The following PPP3CA variants were observed in gnomAD, a reference collection of about 807,000 sequenced individuals.
The protein encoded by PPP3CA is CAM-PRP catalytic subunit.
A neutral mutation model predicts 66.5 loss-of-function variants in PPP3CA; 14 were observed. The observed-to-expected ratio is 0.21, with a 90% confidence interval of 0.14 to 0.33. The LOEUF (loss-of-function observed/expected upper bound fraction) is 0.33. PPP3CA is among the 10% of genes least tolerant of loss of function. The pLI is 1.00. For missense variants in PPP3CA, 317 were observed against 639.5 expected (o/e 0.50, Z 5.44); for synonymous variants, 232 against 226.2 (o/e 1.03, Z -0.23).
chr4:101,104,198 C>T (rs567807602), intron 3 of PPP3CA, among the ~76,000 whole-genome samples: 1 of 151,980 alleles, frequency 6.6e-6, no homozygotes. Context: ...AGAGGATAGC[C>T]AAAGGAGAAT....
intron 10 of PPP3CA, 132 bp downstream of exon 10, chr4:101,060,955 A>C (rs1344632408): frequency 1.3e-6 from 1 of 762,884 alleles, no homozygotes. Flanking sequence ...AAATGAAATC[A>C]TATCTTTTAT....
chr4:101,108,165 G>A (rs147282435), intron 3 of PPP3CA: 134 of 152,266 alleles, frequency 8.8e-4, no homozygotes, highest in African/African-American at 3.2e-3. Context: ...AATTACCCTA[G>A]TTAGATGACA....
chr4:101,170,081 T>A (rs1406514647), intron 2 of PPP3CA, among the ~76,000 whole-genome samples: 3 of 152,150 alleles, frequency 2.0e-5, no homozygotes, highest in African/African-American at 4.8e-5. Flanking sequence ...ATCTTAAACG[T>A]GGTCCAATTA....
chr4:101,157,545 G>T lies in PPP3CA; in HGVS notation c.259+38371C>A, dbSNP rs956834203. Among the ~76,000 whole-genome samples, 3 of 152,282 alleles carry T rather than the reference G, an allele frequency of 2.0e-5. No individual in the cohort carries two copies. In the South Asian group the frequency reaches 6.2e-4, roughly 32 times the overall value. ...GACAGGGAGGATGGCAGTGCCTTGA[G>T]TAGGCTAAAGAAATCCTAGAGGTAA... On this transcript the variant is annotated intron_variant, in intron 2 of 13. Coordinates refer to ENST00000394854, the MANE Select transcript of PPP3CA (RefSeq NM_000944.5).
At chr4:101,211,760 C>G (rs530800422) in intron 1 of PPP3CA, among the ~76,000 whole-genome samples, 1 of 152,270 alleles carries the variant, frequency 6.6e-6, no homozygotes, top group Non-Finnish European at 1.5e-5. Flanking sequence ...AATGTGCCTC[C>G]TCTGCCTTTA....
chr4:101,062,996 A>C (rs1166148168), intron 9 of PPP3CA, among the ~76,000 whole-genome samples: 1 of 151,880 alleles, frequency 6.6e-6, no homozygotes, highest in Non-Finnish European at 1.5e-5. Context: ...AAGATTGTAA[A>C]AATTTCCTAA....
intron 1 of PPP3CA, among the ~76,000 whole-genome samples, chr4:101,339,365 C>A (rs1729736097): frequency 6.6e-6 from 1 of 152,092 alleles, no homozygotes; most frequent in Admixed American, 6.5e-5. Flanking sequence ...AGAAATTGAC[C>A]AGCCTAAAGG....
intron 3 of PPP3CA, among the ~76,000 whole-genome samples, chr4:101,105,171 T>C (rs1730607236): frequency 1.3e-5 from 2 of 151,340 alleles, no homozygotes; most frequent in Admixed American, 1.3e-4. Flanking sequence ...TTTTTTCCTT[T>C]TTTTTTTTTT....
chr4:101,257,735 T>C (rs2850964), intron 1 of PPP3CA, among the ~76,000 whole-genome samples: 67,237 of 151,874 alleles, frequency 0.44, 18,737 homozygotes, highest in African/African-American at 0.75. Flanking sequence ...TTACCATAAA[T>C]GTACTATTTG....
chr4:101,207,949 A>G (rs993430146), intron 1 of PPP3CA, among the ~76,000 whole-genome samples: 1 of 152,212 alleles, frequency 6.6e-6, no homozygotes, highest in Non-Finnish European at 1.5e-5. Flanking sequence ...TCCCCAAAGC[A>G]TCCAAAAAGC....
At chr4:101,252,559 C>G (rs1409846402) in intron 1 of PPP3CA, among the ~76,000 whole-genome samples, 5 of 152,114 alleles carry the variant, frequency 3.3e-5, no homozygotes, top group Non-Finnish European at 5.9e-5. Flanking sequence ...ATTTATAACT[C>G]CATGGTAATG....
In PPP3CA at chr4:101,178,157, G is replaced by A. The variant is rs532538754; in HGVS notation, c.259+17759C>T. On this transcript the variant is annotated intron_variant, in intron 2 of 13. Coordinates refer to ENST00000394854, the MANE Select transcript of PPP3CA (RefSeq NM_000944.5). ...AGCATGTTAGGTAACTTGTGGGCAGGATTAGAGCCTATGTCTGTTTTATTC... is the reference window on the plus strand; with the variant it reads ...AGCATGTTAGGTAACTTGTGGGCAGAATTAGAGCCTATGTCTGTTTTATTC... 2.1e-3 allele frequency among the ~76,000 whole-genome samples: 325 copies of A among 152,188 alleles called. 2 individuals are homozygous for A. The highest frequency in any genetic ancestry group is 7.5e-3 in the African/African-American group (311 of 41,564).
chr4:101,203,882 C>T (rs1035270895), intron 1 of PPP3CA, among the ~76,000 whole-genome samples: 6 of 152,180 alleles, frequency 3.9e-5, no homozygotes, highest in Admixed American at 6.5e-5. Flanking sequence ...AATGATTCAA[C>T]ACTGAAGATT....
At chr4:101,089,965 G>A (rs1052302419) in intron 6 of PPP3CA, among the ~76,000 whole-genome samples, 4 of 152,144 alleles carry the variant, frequency 2.6e-5, no homozygotes, top group Non-Finnish European at 5.9e-5. Context: ...ATAGTGGATA[G>A]GCTGGCATAG....
chr4:101,195,043 C>T (rs1252695141), intron 2 of PPP3CA, among the ~76,000 whole-genome samples: 4 of 151,914 alleles, frequency 2.6e-5, no homozygotes, highest in African/African-American at 9.7e-5. Flanking sequence ...GAGGCTGAGG[C>T]GGGCAGATCA....
At chr4:101,167,342 G>T (rs561864025) in intron 2 of PPP3CA, among the ~76,000 whole-genome samples, 2 of 152,222 alleles carry the variant, frequency 1.3e-5, no homozygotes, top group South Asian at 4.1e-4. Context: ...CAGCCACATG[G>T]TTACCAGACA....
chr4:101,063,627 G>C (rs1010713626), intron 8 of PPP3CA, among the ~76,000 whole-genome samples: 1 of 151,876 alleles, frequency 6.6e-6, no homozygotes, highest in Admixed American at 6.6e-5. Context: ...TGTCTGTCAG[G>C]AACTGATTCA....
At chr4:101,148,436 G>A (rs1723035664) in intron 2 of PPP3CA, among the ~76,000 whole-genome samples, 1 of 151,978 alleles carries the variant, frequency 6.6e-6, no homozygotes, top group African/African-American at 2.4e-5. Context: ...GATCATGAAA[G>A]CTAATTTATC....
At chr4:101,321,021 G>A (rs1013746211) in intron 1 of PPP3CA, among the ~76,000 whole-genome samples, 1 of 152,212 alleles carries the variant, frequency 6.6e-6, no homozygotes, top group African/African-American at 2.4e-5. Context: ...TGATGTTTGT[G>A]TATGTGCTTA....
Sources: gnomAD v4.1 joint callset for allele counts (sites outside exome capture counted in the v4.1 genomes callset) on GRCh38, gnomAD v4.1.1 for gene constraint, MANE v1.5 for transcripts, NCBI Gene and HGNC (gene_info 2026-07-23, HGNC 2026-07-21) for gene names.